ADGRV1: variants seen among roughly 807,000 people sequenced by gnomAD.
ADGRV1 encodes the protein G-protein coupled receptor 98.
In ADGRV1, 359 loss-of-function variants were observed where a neutral mutation model predicts 596.2. The observed-to-expected ratio is 0.60, with a 90% CI of 0.55 to 0.66. ADGRV1 has a LOEUF of 0.66. Among genes scored for constraint, ADGRV1 ranks in the 30% least tolerant of loss-of-function variants. ADGRV1 has a pLI of 0.00. For missense variants in ADGRV1, 7,274 were observed against 7,575.6 expected, an observed-to-expected ratio of 0.96 and a Z score of 1.48; for synonymous variants, 2,681 against 2,679.2, an observed-to-expected ratio of 1.00 and a Z score of -0.02.
At chr5:90,644,918 AATT>A in intron 15 of ADGRV1, 49 bp downstream of exon 15, 2 of 1,277,902 alleles carry the variant, frequency 1.6e-6, no homozygotes, top group Non-Finnish European at 2.1e-6. Flanking sequence ...GTTGATCAAT[AATT>A]ATTTTTTATT....
intron 4 of ADGRV1, 43 bp from the exon 5 acceptor site, chr5:90,622,554 G>C: frequency 1.1e-6 from 1 of 920,194 alleles, no homozygotes. Context: ...TCATACCTCT[G>C]ATTGCTCAGC....
At chr5:90,817,058 C>T (rs1372545862) in intron 75 of ADGRV1, among the ~76,000 whole-genome samples, 1 of 152,090 alleles carries the variant, frequency 6.6e-6, no homozygotes, top group African/African-American at 2.4e-5. Flanking sequence ...TTTCTCCACA[C>T]CCTTTCCAGC....
Position 90,685,946 on chromosome 5 carries a change from T to C in ADGRV1, c.6441T>C (p.Phe2147=), listed in dbSNP as rs1195258297. 2 of 1,606,208 alleles carry C rather than the reference T, an allele frequency of 1.2e-6. No homozygotes were observed. ...ATGTGACTAGAACAGGAGGAGCATT[T>C]GCAGATGTCTCTGTGAAGTTTAAAG... ...IINVTRTGGA[F]ADVSVKFKAV... Residue 2147 remains phenylalanine, a synonymous_variant, in exon 29 of 90, where the codon TTT becomes TTC. Coordinates refer to ENST00000405460, the MANE Select transcript of ADGRV1 (RefSeq NM_032119.4).
intron 83 of ADGRV1, among the ~76,000 whole-genome samples, chr5:90,942,340 T>C (rs1245905543): frequency 6.6e-6 from 1 of 152,168 alleles, no homozygotes; most frequent in Non-Finnish European, 1.5e-5. Context: ...AACAGTGGAC[T>C]AGGTGTATTT....
chr5:90,643,032 G>A lies in ADGRV1; in HGVS notation c.2544G>A (p.Gly848=). The change falls in exon 13 of 90, where the codon GGG becomes GGA. Residue 848 remains glycine, a synonymous_variant. Transcript: ENST00000405460. ...IVITLLARLD[G]IPELDEHYWV... ...TCACCTTGCTAGCAAGATTGGATGG[G>A]ATACCAGAGGTATGGGATTTTATAT... is the stretch of plus-strand genomic sequence containing the variant. 6.2e-7 allele frequency: 1 copy of A among 1,612,168 alleles called. No homozygotes were observed. Among genetic ancestry groups the A allele is most frequent in the South Asian group, 1.1e-5 (1 of 90,976 alleles).
chr5:90,941,383 A>ATT (rs1256919629), intron 83 of ADGRV1, among the ~76,000 whole-genome samples: 2 of 152,212 alleles, frequency 1.3e-5, no homozygotes, highest in Non-Finnish European at 2.9e-5. Flanking sequence ...ACAAATAGCC[A>ATT]TTTTTTAAAA....
At position 90,721,020 on chromosome 5, in the gene ADGRV1, G is replaced by T. The variant is rs190037301; in HGVS notation, c.9709G>T (p.Val3237Leu). Residue 3237 changes from valine (V) to leucine (L), a missense_variant, in exon 45 of 90, where the codon GTG (valine) becomes TTG (leucine). Coordinates refer to ENST00000405460, the MANE Select transcript of ADGRV1 (RefSeq NM_032119.4). ...TAATGGCATTGATTTGGCTGTGAGT[G>T]TGCAGTGGGAGACAGTATCTGAAAC... Reference protein sequence around the residue: ...RTNGIDLAVSVQWETVSETAF... With the variant: ...RTNGIDLAVSLQWETVSETAF... The T allele has an allele frequency of 1.9e-6, 3 of 1,612,720 alleles. No homozygotes were observed. The highest frequency in any genetic ancestry group is 4.5e-5 in the East Asian group (2 of 44,764).
At chr5:91,068,194 C>T (rs1026134653) in intron 85 of ADGRV1, among the ~76,000 whole-genome samples, 3 of 151,912 alleles carry the variant, frequency 2.0e-5, no homozygotes, top group Admixed American at 2.0e-4. Context: ...CAGTGGCTCA[C>T]GCCTATAAAC....
At chr5:90,696,569 C>G (rs1441900390) in intron 33 of ADGRV1, among the ~76,000 whole-genome samples, 1 of 152,062 alleles carries the variant, frequency 6.6e-6, no homozygotes, top group Admixed American at 6.6e-5. Flanking sequence ...CTCCACTTTC[C>G]TAAAGGGAGT....
chr5:90,595,205 C>T (rs1273333935), intron 1 of ADGRV1, among the ~76,000 whole-genome samples: 355 of 35,290 alleles, frequency 0.01, 1 homozygote, highest in Non-Finnish European at 0.013. Flanking sequence ...GCTGGCCGGG[C>T]GGGGGGCTGA....
chr5:91,072,643 C>T (rs367771040), intron 86 of ADGRV1, 39 bp downstream of exon 86: 32 of 1,582,566 alleles, frequency 2.0e-5, no homozygotes, highest in African/African-American at 9.5e-5. Context: ...GAGATGGAAA[C>T]GCTTTAATGG....
At chr5:90,681,600 TCAAA>T (rs1744938763) in intron 27 of ADGRV1, 146 bp downstream of exon 27, 1 of 729,328 alleles carries the variant, frequency 1.4e-6, no homozygotes, top group Non-Finnish European at 2.1e-6. Context: ...AAATTGGTGA[TCAAA>T]CAGTCGTTTG....
At chr5:91,044,799 A>G (rs887309395) in intron 85 of ADGRV1, among the ~76,000 whole-genome samples, 4 of 152,204 alleles carry the variant, frequency 2.6e-5, no homozygotes, top group Non-Finnish European at 5.9e-5. Flanking sequence ...ATGTACCAGT[A>G]TGCTTAGCAT....
At chr5:90,887,391 A>T (rs151304601) in intron 83 of ADGRV1, among the ~76,000 whole-genome samples, 1 of 152,014 alleles carries the variant, frequency 6.6e-6, no homozygotes, top group African/African-American at 2.4e-5. Flanking sequence ...TCTCCAACAG[A>T]CTGTATTCTC....
intron 21 of ADGRV1, among the ~76,000 whole-genome samples, chr5:90,663,292 A>G (rs1472271327): frequency 1.2e-3 from 178 of 147,618 alleles, no homozygotes; most frequent in Middle Eastern, 3.4e-3. Context: ...TGACTTTTTA[A>G]TGATTGCCAT....
intron 59 of ADGRV1, among the ~76,000 whole-genome samples, chr5:90,771,408 A>G (rs1164289297): frequency 6.6e-6 from 1 of 152,206 alleles, no homozygotes; most frequent in Non-Finnish European, 1.5e-5. Context: ...AATGAGGATA[A>G]TAAGGCTTAA....
At chr5:90,656,050 C>G (rs887390748) in intron 20 of ADGRV1, among the ~76,000 whole-genome samples, 1 of 152,038 alleles carries the variant, frequency 6.6e-6, no homozygotes, top group African/African-American at 2.4e-5. Flanking sequence ...ATGCCATATT[C>G]CCTCCATGAA....
intron 75 of ADGRV1, among the ~76,000 whole-genome samples, chr5:90,822,808 G>T (rs867270533): frequency 7.9e-5 from 12 of 152,220 alleles, no homozygotes; most frequent in Middle Eastern, 3.4e-3. Flanking sequence ...ATTTCATTGA[G>T]CAGTGGTTTA....
intron 87 of ADGRV1, among the ~76,000 whole-genome samples, chr5:91,146,760 G>T (rs1795564353): frequency 2.0e-5 from 3 of 152,184 alleles, no homozygotes; most frequent in Non-Finnish European, 2.9e-5. Flanking sequence ...AAGTTAAGAA[G>T]TTTGCTTTCT....
Sources: gnomAD v4.1 joint callset for allele counts (sites outside exome capture counted in the v4.1 genomes callset) on GRCh38, gnomAD v4.1.1 for gene constraint, MANE v1.5 for transcripts, NCBI Gene and HGNC (gene_info 2026-07-23, HGNC 2026-07-21) for gene names.